The following HSF2BP variants were observed in gnomAD, a reference collection of about 807,000 sequenced individuals.
HSF2BP encodes heat shock factor 2-binding protein.
In HSF2BP, 35 loss-of-function variants were observed where a neutral mutation model predicts 35.0. The observed-to-expected ratio is 1.00, with a 90% CI of 0.76 to 1.32. The LOEUF (loss-of-function observed/expected upper bound fraction) is 1.32, where lower values mean the gene tolerates loss of function less well. HSF2BP is among the 40% of genes most tolerant of loss of function. The probability of loss-of-function intolerance (pLI) is 0.00; values close to 1 mark genes in which losing one functional copy is unlikely to be tolerated. For synonymous variants in HSF2BP, 114 were observed against 117.4 expected (o/e 0.97, Z 0.18); for missense variants, 326 against 321.7 (o/e 1.01, Z -0.10).
chr21:43,467,765 C>G, the HSF2BP span, among the ~76,000 whole-genome samples: 33 of 96,674 alleles, frequency 3.4e-4, no homozygotes, highest in South Asian at 7.2e-4. Flanking sequence ...CACCCACACA[C>G]CACACACACC....
chr21:43,467,853 C>CAA, the HSF2BP span, among the ~76,000 whole-genome samples: 4 of 120,712 alleles, frequency 3.3e-5, no homozygotes, highest in African/African-American at 1.2e-4. Flanking sequence ...ACATACACAC[C>CAA]ACACACCACA....
At chr21:43,618,636 G>T (rs1286762007) in intron 6 of HSF2BP, among the ~76,000 whole-genome samples, 1 of 152,122 alleles carries the variant, frequency 6.6e-6, no homozygotes, top group Non-Finnish European at 1.5e-5. Context: ...TCAAAGATCT[G>T]AATATAAGAA....
At chr21:43,612,637 C>T (rs1173585506) in intron 7 of HSF2BP, among the ~76,000 whole-genome samples, 2 of 109,680 alleles carry the variant, frequency 1.8e-5, no homozygotes, top group Non-Finnish European at 3.4e-5. Context: ...GGTGACAGAG[C>T]AAGACTCCGT....
At chr21:43,649,842 G>A (rs1036998833) in intron 3 of HSF2BP, among the ~76,000 whole-genome samples, 12 of 152,142 alleles carry the variant, frequency 7.9e-5, no homozygotes, top group Admixed American at 2.6e-4. Context: ...AGAATTGCTC[G>A]ATCTTAGCGA....
intron 3 of HSF2BP, among the ~76,000 whole-genome samples, chr21:43,648,314 C>T (rs1018743581): frequency 3.9e-5 from 6 of 152,184 alleles, no homozygotes; most frequent in Admixed American, 3.3e-4. Flanking sequence ...GAGAAGATGA[C>T]CAAGGATGGG....
chr21:43,593,621 A>T (rs1018088422), intron 7 of HSF2BP, among the ~76,000 whole-genome samples: 7 of 152,198 alleles, frequency 4.6e-5, no homozygotes, highest in African/African-American at 1.7e-4. Context: ...AGAAGCTAGG[A>T]TTACTATTTT....
intron 8 of HSF2BP, among the ~76,000 whole-genome samples, chr21:43,572,181 G>T (rs2146657266): frequency 6.6e-6 from 1 of 152,292 alleles, no homozygotes; most frequent in South Asian, 2.1e-4. Flanking sequence ...AGAGAACACA[G>T]GGCGAGCCCC....
intron 8 of HSF2BP, among the ~76,000 whole-genome samples, chr21:43,591,064 CTA>C (rs1491209693): frequency 2.0e-5 from 3 of 151,408 alleles, no homozygotes; most frequent in Non-Finnish European, 4.4e-5. Context: ...GGAACTGACA[CTA>C]AAAAAAAGAG....
chr21:43,616,537 G>A lies in HSF2BP; in HGVS notation c.575-2590C>T, dbSNP rs536107614. 7.2e-5 allele frequency among the ~76,000 whole-genome samples: 11 copies of A among 152,298 alleles called. No homozygotes were observed. In the South Asian group the frequency reaches 2.1e-3, roughly 29 times the overall value. ...TTACACCCGTAATCCTAGTTACTTG[G>A]GAGGCTAAGGCAGGAGAATCATTTG... is the stretch of plus-strand genomic sequence containing the variant. On this transcript the variant is annotated intron_variant, in intron 6 of 8. Coordinates refer to ENST00000291560, the MANE Select transcript of HSF2BP (RefSeq NM_007031.2).
At chr21:43,588,654 C>T (rs1264913940) in intron 8 of HSF2BP, among the ~76,000 whole-genome samples, 1 of 152,142 alleles carries the variant, frequency 6.6e-6, no homozygotes, top group Non-Finnish European at 1.5e-5. Context: ...ACACTTAAAG[C>T]CATGACTGGT....
Position 43,621,430 on chromosome 21 carries a change from G to C in HSF2BP, c.575-7483C>G, listed in dbSNP as rs1388244628. ...TGGTCTCAGCTACTCAGGAGGCTAA[G>C]GCAAGAGAATCACTTGAACCTGGGA... On this transcript the variant is annotated intron_variant, in intron 6 of 8. Transcript: ENST00000291560. 5.3e-5 allele frequency among the ~76,000 whole-genome samples: 8 copies of C among 152,224 alleles called. No individual in the cohort carries two copies. In the South Asian group the frequency reaches 1.7e-3, roughly 32 times the overall value.
chr21:43,659,115 T>C lies in HSF2BP; in HGVS notation c.-225+271A>G, dbSNP rs868590720. 2.8e-4 allele frequency among the ~76,000 whole-genome samples: 43 copies of C among 152,096 alleles called. 2 individuals carry two copies. The highest frequency in any genetic ancestry group is 9.9e-4 in the African/African-American group (41 of 41,506). On this transcript the variant is annotated intron_variant, in intron 1 of 8. Coordinates refer to ENST00000291560, the MANE Select transcript of HSF2BP (RefSeq NM_007031.2). The surrounding 1 kb of genome is among the most constrained non-coding windows in gnomAD (Gnocchi z 4.2). Reference sequence around the variant, plus strand: ...GAGTTTGAGACCAGCTTGGGCAACATAGCGAGACACCGTCTCTACAAAAAA... The same window carrying C: ...GAGTTTGAGACCAGCTTGGGCAACACAGCGAGACACCGTCTCTACAAAAAA...
intron 4 of HSF2BP, among the ~76,000 whole-genome samples, chr21:43,642,453 A>C (rs1230431019): frequency 6.6e-6 from 1 of 152,198 alleles, no homozygotes; most frequent in Non-Finnish European, 1.5e-5. Flanking sequence ...GCTACAGATA[A>C]GGCAGCTGCT....
intron 4 of HSF2BP, among the ~76,000 whole-genome samples, chr21:43,635,751 T>A (rs1001773726): frequency 6.6e-6 from 1 of 152,062 alleles, no homozygotes; most frequent in Non-Finnish European, 1.5e-5. Context: ...ACCCCGTCTC[T>A]ACTAAAAATA....
rs541089813 is a variant in HSF2BP, at chr21:43,618,908, G to A, written c.575-4961C>T. Among the ~76,000 whole-genome samples the A allele has an allele frequency of 1.3e-4, 20 of 151,292 alleles. No homozygotes were observed. The East Asian group carries it at 3.5e-3, about 26-fold the overall frequency. On this transcript the variant is annotated intron_variant, in intron 6 of 8. Transcript: ENST00000291560. ...TGCAGTGAGTGGAGATCGCACTGCT[G>A]CACTCCAGCCTGAGCGACAGAGCAA... is the stretch of plus-strand genomic sequence containing the variant.
intron 7 of HSF2BP, among the ~76,000 whole-genome samples, chr21:43,612,941 C>T (rs1406023273): frequency 6.6e-6 from 1 of 152,186 alleles, no homozygotes; most frequent in Non-Finnish European, 1.5e-5. Flanking sequence ...TAAATTATCA[C>T]ACGCTGATTA....
intron 3 of HSF2BP, among the ~76,000 whole-genome samples, chr21:43,650,702 C>CTTTTTTTT (rs998092548): frequency 7.0e-5 from 7 of 99,292 alleles, no homozygotes; most frequent in Non-Finnish European, 1.2e-4. Flanking sequence ...TTCAGGCTTG[C>CTTTTTTTT]TTTTTTTTTT....
At chr21:43,578,448 G>A (rs998832984) in intron 8 of HSF2BP, among the ~76,000 whole-genome samples, 2 of 152,144 alleles carry the variant, frequency 1.3e-5, no homozygotes, top group Admixed American at 6.5e-5. Flanking sequence ...GATGGAGCCC[G>A]GAATAAAGTT....
At chr21:43,611,124 C>T (rs56035206) in intron 7 of HSF2BP, among the ~76,000 whole-genome samples, 1,960 of 152,160 alleles carry the variant, frequency 0.013, 43 homozygotes, top group African/African-American at 0.043. Context: ...CATGCACTGA[C>T]GGTCCCAGCT....
Sources: gnomAD v4.1 joint callset for allele counts (sites outside exome capture counted in the v4.1 genomes callset) on GRCh38, gnomAD v4.1.1 for gene constraint, Gnocchi (gnomAD v3.1) non-coding constraint, MANE v1.5 for transcripts, NCBI Gene and HGNC (gene_info 2026-07-23, HGNC 2026-07-21) for gene names.